STMN2: variants seen among roughly 807,000 people sequenced by gnomAD.
STMN2 encodes stathmin-2.
In STMN2, 2 loss-of-function variants were observed where a neutral mutation model predicts 24.1. That is an observed-to-expected ratio of 0.08 (90% confidence interval 0.03 to 0.26). STMN2 has a LOEUF of 0.26. STMN2 is among the 10% of genes least tolerant of loss of function. The pLI is 1.00. For synonymous variants in STMN2, 83 were observed against 77.5 expected, an observed-to-expected ratio of 1.07 and a Z score of -0.37; for missense variants, 114 against 213.6, an observed-to-expected ratio of 0.53 and a Z score of 2.91.
chr8:79,618,884 T>G (rs910473158), intron 1 of STMN2, among the ~76,000 whole-genome samples: 2 of 152,144 alleles, frequency 1.3e-5, no homozygotes, highest in Admixed American at 1.3e-4. Context: ...TATAAAACCA[T>G]AACAAAAATA....
At chr8:79,641,737 A>T (rs941562886) in intron 3 of STMN2, among the ~76,000 whole-genome samples, 187 bp downstream of exon 3, 1 of 151,932 alleles carries the variant, frequency 6.6e-6, no homozygotes, top group Non-Finnish European at 1.5e-5. Context: ...GTAGACACAG[A>T]GCCAGGCTAG....
At chr8:79,646,689 A>G (rs2130370157) in intron 3 of STMN2, among the ~76,000 whole-genome samples, 1 of 152,314 alleles carries the variant, frequency 6.6e-6, no homozygotes, top group African/African-American at 2.4e-5. Context: ...ACAATTAAGG[A>G]CTTTGACTTC....
In STMN2 at chr8:79,641,420, C is replaced by A; in HGVS notation, c.158C>A (p.Ala53Asp). The A allele has an allele frequency of 6.2e-7, 1 of 1,614,064 alleles. No individual in the cohort carries two copies. The highest frequency in any genetic ancestry group is 8.5e-7 in the Non-Finnish European group (1 of 1,179,972). The change falls in exon 3 of 5, where the codon GCT becomes GAT. Residue 53 changes from alanine to aspartate, a missense_variant. By Grantham distance (126) the Ala-to-Asp change is moderately radical. Coordinates refer to ENST00000220876, the MANE Select transcript of STMN2 (RefSeq NM_007029.4). ...KQINKRASGQ[A>D]FELILKPPSP... The stretch of plus-strand genomic sequence containing the variant: ...ATCAACAAACGTGCCTCTGGCCAGG[C>A]TTTTGAGCTGATCTTGAAGCCACCA...
At chr8:79,639,170 C>T (rs1810036217) in intron 2 of STMN2, among the ~76,000 whole-genome samples, 1 of 152,122 alleles carries the variant, frequency 6.6e-6, no homozygotes. Flanking sequence ...GGGAACATAA[C>T]CTGCTGGCTT....
intron 3 of STMN2, among the ~76,000 whole-genome samples, chr8:79,654,595 T>A (rs76596890): frequency 1.8e-4 from 27 of 152,274 alleles, no homozygotes; most frequent in South Asian, 6.2e-4. Flanking sequence ...AGCCTTTTTT[T>A]AAAAAAATTT....
At chr8:79,613,673 C>A (rs372525644) in intron 1 of STMN2, 8 of 985,424 alleles carry the variant, frequency 8.1e-6, no homozygotes, top group East Asian at 2.3e-4. Context: ...TCAAAAGGGA[C>A]GTGGATTGCT....
intron 1 of STMN2, among the ~76,000 whole-genome samples, chr8:79,628,532 T>G (rs1809717761): frequency 6.6e-6 from 1 of 152,200 alleles, no homozygotes; most frequent in Non-Finnish European, 1.5e-5. Flanking sequence ...CCACCAGCAG[T>G]GCACAAGGAT....
intron 2 of STMN2, among the ~76,000 whole-genome samples, chr8:79,637,389 G>A (rs749125867): frequency 7.2e-5 from 11 of 152,138 alleles, no homozygotes; most frequent in East Asian, 1.9e-4. Context: ...ACTGACTTAC[G>A]ACTGAGGCCC....
chr8:79,626,574 G>A (rs1809659653), intron 1 of STMN2, among the ~76,000 whole-genome samples: 1 of 152,152 alleles, frequency 6.6e-6, no homozygotes, highest in Non-Finnish European at 1.5e-5. Context: ...ACCTCAATCT[G>A]GCTCCAACAT....
At chr8:79,649,663 TC>T (rs1810292170) in intron 3 of STMN2, among the ~76,000 whole-genome samples, 1 of 151,958 alleles carries the variant, frequency 6.6e-6, no homozygotes. Flanking sequence ...AAGTAATATA[TC>T]CCCCAAATAA....
chr8:79,652,884 CAA>C (rs1810364113), intron 3 of STMN2, among the ~76,000 whole-genome samples: 1 of 152,062 alleles, frequency 6.6e-6, no homozygotes, highest in Non-Finnish European at 1.5e-5. Flanking sequence ...AGCAAATAAG[CAA>C]AGTCTGTGTA....
chr8:79,654,707 C>T (rs900590589), intron 3 of STMN2, among the ~76,000 whole-genome samples, 164 bp from the exon 4 acceptor site: 17 of 152,316 alleles, frequency 1.1e-4, no homozygotes, highest in South Asian at 2.1e-4. Context: ...TAGCCACATT[C>T]TATAGAAAAC....
At chr8:79,622,932 C>A (rs149037392) in intron 1 of STMN2, among the ~76,000 whole-genome samples, 2 of 152,260 alleles carry the variant, frequency 1.3e-5, no homozygotes, top group South Asian at 4.2e-4. Context: ...ACTCCCACTC[C>A]GTATCACCTG....
intron 1 of STMN2, among the ~76,000 whole-genome samples, chr8:79,614,410 A>C (rs1318493473): frequency 6.6e-6 from 1 of 152,232 alleles, no homozygotes; most frequent in Non-Finnish European, 1.5e-5. Flanking sequence ...CTAGAAATGA[A>C]AAGCTGAGGA....
At chr8:79,619,213 G>C (rs1809454775) in intron 1 of STMN2, among the ~76,000 whole-genome samples, 1 of 151,926 alleles carries the variant, frequency 6.6e-6, no homozygotes, top group African/African-American at 2.4e-5. Flanking sequence ...TAGATCATCA[G>C]GATAATAAAT....
intron 1 of STMN2, among the ~76,000 whole-genome samples, chr8:79,617,607 C>T (rs1809413964): frequency 6.6e-6 from 1 of 152,214 alleles, no homozygotes; most frequent in Admixed American, 6.5e-5. Context: ...CTTAAGACAG[C>T]ATTACAAAAG....
chr8:79,649,973 A>G (rs1810298342), intron 3 of STMN2, among the ~76,000 whole-genome samples: 1 of 152,168 alleles, frequency 6.6e-6, no homozygotes, highest in Admixed American at 6.5e-5. Flanking sequence ...TATTTCAATG[A>G]TTGAGTTCAG....
chr8:79,651,240 G>A (rs572872809), intron 3 of STMN2, among the ~76,000 whole-genome samples: 65 of 152,254 alleles, frequency 4.3e-4, no homozygotes, highest in Non-Finnish European at 8.7e-4. Flanking sequence ...GCAGACTCAC[G>A]TGACCACACT....
intron 4 of STMN2, among the ~76,000 whole-genome samples, chr8:79,657,321 C>A (rs1472815398): frequency 6.6e-6 from 1 of 152,158 alleles, no homozygotes; most frequent in African/African-American, 2.4e-5. Context: ...ATGCTCAGCT[C>A]ATTTTTGTAC....
Sources: allele counts gnomAD v4.1 joint callset (sites outside exome capture counted in the v4.1 genomes callset), GRCh38; gene constraint gnomAD v4.1.1; transcripts MANE v1.5; gene names NCBI Gene and HGNC (gene_info 2026-07-23, HGNC 2026-07-21).